Variants in DCAKD observed in about 807,000 individuals in gnomAD.
The protein encoded by DCAKD is dephospho-CoA kinase domain-containing protein.
In DCAKD, 15 loss-of-function variants were observed where a neutral mutation model predicts 18.7. The ratio of observed to expected loss-of-function variants is 0.80; its 90% CI spans 0.54 to 1.24. DCAKD has a LOEUF of 1.24. Among genes scored for constraint, DCAKD ranks in the 50% most tolerant of loss-of-function variants. The pLI is 0.00. For missense variants in DCAKD, 301 were observed against 322.0 expected, an observed-to-expected ratio of 0.93 and a Z score of 0.50; for synonymous variants, 130 against 133.0, an observed-to-expected ratio of 0.98 and a Z score of 0.16.
At chr17:45,031,135 C>T in intron 3 of DCAKD, 1 of 985,424 alleles carries the variant, frequency 1.0e-6, no homozygotes, top group Non-Finnish European at 1.2e-6. Context: ...TGGAGCATCC[C>T]ACTCCAAACA....
intron 1 of DCAKD, among the ~76,000 whole-genome samples, chr17:45,047,330 G>C (rs1356217336): frequency 6.6e-6 from 1 of 151,904 alleles, no homozygotes; most frequent in East Asian, 1.9e-4. Context: ...TGTCTAGGCT[G>C]GAATGCAGTG....
chr17:45,060,004 C>A (rs892242759), intron 1 of DCAKD, among the ~76,000 whole-genome samples: 1 of 151,810 alleles, frequency 6.6e-6, no homozygotes, highest in Non-Finnish European at 1.5e-5. Context: ...CTCAGGAGGC[C>A]GAGGCAAGAG....
At chr17:45,030,056 G>T (rs751475319) in intron 4 of DCAKD, 36 bp downstream of exon 4, 2 of 1,570,804 alleles carry the variant, frequency 1.3e-6, no homozygotes, top group South Asian at 2.2e-5. Flanking sequence ...TACCCCCATG[G>T]TCCTCCCTTC....
chr17:45,052,042 G>A (rs2053716821), upstream of DCAKD, among the ~76,000 whole-genome samples: 1 of 83,670 alleles, frequency 1.2e-5, no homozygotes, highest in Non-Finnish European at 2.5e-5. Context: ...CGCGGGAGAG[G>A]TTGGGCGGGC....
chr17:45,048,022 A>T (rs893686730), intron 1 of DCAKD, among the ~76,000 whole-genome samples: 4 of 152,184 alleles, frequency 2.6e-5, no homozygotes, highest in Admixed American at 6.5e-5. Flanking sequence ...ACACAATTTT[A>T]AAAAAGTTTT....
At chr17:45,036,952 T>C (rs1031722545) in intron 1 of DCAKD, among the ~76,000 whole-genome samples, 1 of 152,164 alleles carries the variant, frequency 6.6e-6, no homozygotes, top group African/African-American at 2.4e-5. Context: ...TACACTGAAA[T>C]GAGTTTGCCT....
At chr17:45,029,035 C>G (rs539532522) in intron 4 of DCAKD, among the ~76,000 whole-genome samples, 95 of 152,320 alleles carry the variant, frequency 6.2e-4, no homozygotes, top group African/African-American at 2.2e-3. Flanking sequence ...ATGTTTTTAT[C>G]CCTAAATACA....
chr17:45,048,842 C>A (rs2053629785), intron 1 of DCAKD, among the ~76,000 whole-genome samples: 1 of 151,048 alleles, frequency 6.6e-6, no homozygotes, highest in Non-Finnish European at 1.5e-5. Flanking sequence ...AAATAGCCAA[C>A]CAGCAGCACA....
chr17:45,032,323 G>A (rs1016746480), intron 3 of DCAKD, among the ~76,000 whole-genome samples: 4 of 152,126 alleles, frequency 2.6e-5, no homozygotes, highest in Non-Finnish European at 4.4e-5. Flanking sequence ...GAGAAGATGC[G>A]GGAGCCAGCT....
chr17:45,034,097 C>T lies in DCAKD; in HGVS notation c.316+90G>A, dbSNP rs955782024. On this transcript the variant is annotated intron_variant, in intron 3 of 4. Coordinates refer to ENST00000651974, the MANE Select transcript of DCAKD (RefSeq NM_001288655.2). ...TGAACTCATCAGCTGGGATAACCAG[C>T]TCCCCTACCCTGGCCAAACTTTCTG... 39 of 1,602,414 alleles carry T rather than the reference C, an allele frequency of 2.4e-5. No homozygotes were observed. In the African/African-American group the frequency reaches 4.7e-4, roughly 19 times the overall value.
At chr17:45,030,263 A>T (rs1275687083) in intron 3 of DCAKD, 84 bp from the exon 4 acceptor site, 2 of 1,280,138 alleles carry the variant, frequency 1.6e-6, no homozygotes, top group African/African-American at 2.9e-5. Flanking sequence ...CACCGTCCAG[A>T]GCGCCCAGCA....
upstream of DCAKD, chr17:45,061,105 C>T (rs1217301207): frequency 7.5e-6 from 10 of 1,326,150 alleles, no homozygotes; most frequent in Non-Finnish European, 9.6e-6. Flanking sequence ...AAAGCGTGGC[C>T]GAATGCCTAG....
intron 4 of DCAKD, 100 bp from the exon 5 acceptor site, chr17:45,024,824 T>A: frequency 1.4e-6 from 2 of 1,396,426 alleles, no homozygotes; most frequent in South Asian, 2.8e-5. Context: ...ACAGAGAGCA[T>A]GGGGACTGGA....
chr17:45,057,190 C>A (rs534990511), intron 1 of DCAKD, among the ~76,000 whole-genome samples: 6 of 152,206 alleles, frequency 3.9e-5, no homozygotes, highest in Non-Finnish European at 8.8e-5. Flanking sequence ...ACCATAGGTG[C>A]ATGCCACAAT....
intron 1 of DCAKD, among the ~76,000 whole-genome samples, chr17:45,047,501 T>C (rs1255688252): frequency 7.1e-6 from 1 of 141,156 alleles, no homozygotes; most frequent in Non-Finnish European, 1.6e-5. Flanking sequence ...CCCTGGCTAG[T>C]CTCTTTTTTT....
chr17:45,034,163 C>A, intron 3 of DCAKD, 24 bp downstream of exon 3: 1 of 1,575,206 alleles, frequency 6.3e-7, no homozygotes, highest in South Asian at 1.1e-5. Flanking sequence ...GGCCCCGCCC[C>A]CCGCCCCAGG....
intron 4 of DCAKD, chr17:45,026,745 G>C (rs1444788365): frequency 5.1e-6 from 5 of 985,264 alleles, no homozygotes; most frequent in Non-Finnish European, 6.0e-6. Context: ...GTGTACTGTG[G>C]CCATTGTGGG....
chr17:45,056,394 C>T (rs1427559378), upstream of DCAKD, among the ~76,000 whole-genome samples: 3 of 152,066 alleles, frequency 2.0e-5, no homozygotes, highest in African/African-American at 7.2e-5. Flanking sequence ...AAGTGACTTG[C>T]CTAAGGTCAT....
chr17:45,040,387 C>CAAAAAAA (rs34624870), intron 1 of DCAKD, among the ~76,000 whole-genome samples: 1 of 80,338 alleles, frequency 1.2e-5, no homozygotes, highest in African/African-American at 4.8e-5. Context: ...GACTCCATCT[C>CAAAAAAA]AAAAAAAAAA....
Sources: gnomAD v4.1 joint callset for allele counts (sites outside exome capture counted in the v4.1 genomes callset) on GRCh38, gnomAD v4.1.1 for gene constraint, MANE v1.5 for transcripts, NCBI Gene and HGNC (gene_info 2026-07-23, HGNC 2026-07-21) for gene names.